ERBB4: variants seen among roughly 807,000 people sequenced by gnomAD.
The protein encoded by ERBB4 is receptor tyrosine-protein kinase erbB-4.
In ERBB4, 42 loss-of-function variants were observed where a neutral mutation model predicts 158.0. The ratio of observed to expected loss-of-function variants is 0.27; its 90% CI spans 0.21 to 0.34. ERBB4 has a LOEUF of 0.34. Among genes scored for constraint, ERBB4 ranks in the 10% least tolerant of loss-of-function variants. ERBB4 has a pLI of 1.00. For missense variants in ERBB4, 1,333 were observed against 1,624.1 expected (o/e 0.82, Z 3.08); for synonymous variants, 583 against 558.7 (o/e 1.04, Z -0.61).
intron 2 of ERBB4, among the ~76,000 whole-genome samples, chr2:211,974,921 A>G (rs2081561097): frequency 6.6e-6 from 1 of 152,194 alleles, no homozygotes; most frequent in Non-Finnish European, 1.5e-5. Flanking sequence ...TAATATAACC[A>G]GATTTAATTT....
chr2:212,289,464 T>C (rs1559936065), intron 1 of ERBB4, among the ~76,000 whole-genome samples: 2 of 152,238 alleles, frequency 1.3e-5, no homozygotes, highest in Non-Finnish European at 2.9e-5. Context: ...AATCTCTTTA[T>C]AGGTTATTTC....
At chr2:212,177,261 T>C (rs533002096) in intron 1 of ERBB4, among the ~76,000 whole-genome samples, 15 of 151,890 alleles carry the variant, frequency 9.9e-5, no homozygotes, top group African/African-American at 3.4e-4. Context: ...CCCTATGGTG[T>C]TCTCATTTTT....
chr2:212,369,011 C>T (rs947144897), intron 1 of ERBB4, among the ~76,000 whole-genome samples: 3 of 152,090 alleles, frequency 2.0e-5, no homozygotes, highest in Non-Finnish European at 4.4e-5. Context: ...TAACACTATC[C>T]CCAGTGCACA....
chr2:212,009,865 C>A (rs1283865843), intron 2 of ERBB4, among the ~76,000 whole-genome samples: 2 of 152,108 alleles, frequency 1.3e-5, no homozygotes, highest in African/African-American at 4.8e-5. Flanking sequence ...GTCTGTACTC[C>A]TACTAATCTT....
intron 20 of ERBB4, among the ~76,000 whole-genome samples, chr2:211,485,852 A>G (rs1421429123): frequency 1.4e-5 from 2 of 142,002 alleles, no homozygotes; most frequent in East Asian, 2.2e-4. Context: ...AACTTAAAGT[A>G]TAATAAAAAA....
At chr2:212,024,945 C>T (rs902905078) in intron 2 of ERBB4, among the ~76,000 whole-genome samples, 1 of 151,840 alleles carries the variant, frequency 6.6e-6, no homozygotes, top group African/African-American at 2.4e-5. Flanking sequence ...CAGCAAATTA[C>T]CAAGATTCCC....
rs774689676 is a variant in ERBB4, at chr2:211,597,841, CA to C, written c.2301+21335del. Among the ~76,000 whole-genome samples, 47 of 151,166 alleles carry C rather than the reference CA, an allele frequency of 3.1e-4. No individual in the cohort carries two copies. In the East Asian group the frequency reaches 8.2e-3, roughly 26 times the overall value. On this transcript the variant is annotated intron_variant, in intron 19 of 27. Coordinates refer to ENST00000342788, the MANE Select transcript of ERBB4 (RefSeq NM_005235.3). ...AATTTCATCAATAGATTTTTTAATT[CA>C]AAAAAAATCAGCTTTTTAAGAGTAA...
intron 12 of ERBB4, among the ~76,000 whole-genome samples, chr2:211,680,976 A>G (rs1176015971): frequency 6.6e-6 from 1 of 152,126 alleles, no homozygotes; most frequent in East Asian, 1.9e-4. Context: ...ATTATCTCCA[A>G]ATGATTCCTC....
At chr2:212,494,935 A>G (rs1252449714) in intron 1 of ERBB4, among the ~76,000 whole-genome samples, 1 of 152,092 alleles carries the variant, frequency 6.6e-6, no homozygotes, top group Non-Finnish European at 1.5e-5. Flanking sequence ...ATATGACACA[A>G]TGGCAAGATT....
chr2:212,017,242 TA>T (rs1039754328), intron 2 of ERBB4, among the ~76,000 whole-genome samples: 1 of 152,144 alleles, frequency 6.6e-6, no homozygotes, highest in Non-Finnish European at 1.5e-5. Context: ...ACATTGTTTT[TA>T]TTCTTAAAAA....
chr2:212,533,205 A>G (rs1026128443), intron 1 of ERBB4, among the ~76,000 whole-genome samples: 2 of 152,250 alleles, frequency 1.3e-5, no homozygotes, highest in African/African-American at 4.8e-5. Context: ...TGATAGAGAC[A>G]GTTTGCTAGA....
At chr2:212,347,880 G>C (rs181051581) in intron 1 of ERBB4, among the ~76,000 whole-genome samples, 1 of 152,080 alleles carries the variant, frequency 6.6e-6, no homozygotes, top group East Asian at 1.9e-4. Flanking sequence ...GAAAGTTCAA[G>C]AATCACTAAC....
chr2:212,145,412 T>C (rs878866070), intron 1 of ERBB4, among the ~76,000 whole-genome samples: 93 of 152,240 alleles, frequency 6.1e-4, no homozygotes, highest in African/African-American at 2.0e-3. Context: ...TTCAGGGTTG[T>C]CTAGTATAAA....
intron 1 of ERBB4, among the ~76,000 whole-genome samples, chr2:212,442,124 C>T (rs1311995508): frequency 4.6e-5 from 7 of 152,274 alleles, no homozygotes; most frequent in African/African-American, 1.4e-4. Flanking sequence ...TAGTCTGACT[C>T]GTGTAGAGCT....
intron 1 of ERBB4, among the ~76,000 whole-genome samples, chr2:212,363,401 T>C (rs956804393): frequency 6.6e-6 from 1 of 151,452 alleles, no homozygotes; most frequent in African/African-American, 2.4e-5. Flanking sequence ...CTACAGATAA[T>C]ACCTAGATAG....
At chr2:211,823,799 GC>G (rs2077042416) in intron 3 of ERBB4, among the ~76,000 whole-genome samples, 1 of 151,886 alleles carries the variant, frequency 6.6e-6, no homozygotes, top group Non-Finnish European at 1.5e-5. Flanking sequence ...TAAATGACTG[GC>G]ACGTGCTAAG....
intron 1 of ERBB4, among the ~76,000 whole-genome samples, chr2:212,504,530 A>C (rs1213424505): frequency 6.6e-6 from 1 of 152,138 alleles, no homozygotes; most frequent in Non-Finnish European, 1.5e-5. Context: ...ATCTCAAAGA[A>C]GGAAGAAAAG....
intron 1 of ERBB4, among the ~76,000 whole-genome samples, chr2:212,392,274 T>C (rs2090900028): frequency 6.6e-6 from 1 of 151,896 alleles, no homozygotes; most frequent in Non-Finnish European, 1.5e-5. Context: ...AATTACATGG[T>C]CAGTGACTCA....
chr2:212,442,411 C>T lies in ERBB4; in HGVS notation c.82+96038G>A, dbSNP rs540552630. Among the ~76,000 whole-genome samples, 4 of 152,216 alleles carry T rather than the reference C, an allele frequency of 2.6e-5. No homozygotes were observed. In the South Asian group the frequency reaches 8.3e-4, roughly 32 times the overall value. On this transcript the variant is annotated intron_variant, in intron 1 of 27. Transcript: ENST00000342788. ...TTTATGCAGTGCATCTTTCTCCCAT[C>T]CTTCCCCAAGGAAACTTAAGGCCTT...
Sources: allele counts gnomAD v4.1 joint callset (sites outside exome capture counted in the v4.1 genomes callset), GRCh38; gene constraint gnomAD v4.1.1; transcripts MANE v1.5; gene names NCBI Gene and HGNC (gene_info 2026-07-23, HGNC 2026-07-21).